The following SV2B variants were observed in gnomAD, a reference collection of about 807,000 sequenced individuals.
SV2B encodes the protein solute carrier family 22 member B2.
SV2B carries 41 observed loss-of-function variants against 73.9 expected under a neutral mutation model. The observed-to-expected ratio is 0.56, with a 90% CI of 0.43 to 0.72. SV2B has a LOEUF of 0.72. SV2B is among the 30% of genes least tolerant of loss of function. The pLI, the probability that SV2B is intolerant of heterozygous loss-of-function variation, is 0.00. For missense variants in SV2B, 764 were observed against 857.8 expected, an observed-to-expected ratio of 0.89 and a Z score of 1.37; for synonymous variants, 314 against 314.2, an observed-to-expected ratio of 1.00 and a Z score of 0.01.
Position 91,241,326 on chromosome 15 carries a change from C to T in SV2B, c.452-10493C>T, listed in dbSNP as rs757864704. On this transcript the variant is annotated intron_variant, in intron 2 of 12. Coordinates refer to ENST00000394232, the MANE Select transcript of SV2B (RefSeq NM_001323032.3). This position sits in a 1 kb window ranked among gnomAD's most constrained non-coding sequence, Gnocchi z 4.8. ...TGTGTTCCCCACCCCTGGTTGCATC[C>T]GACTTTTCCTCCATCTGTCCCTAAA... is the stretch of plus-strand genomic sequence containing the variant. Among the ~76,000 whole-genome samples, 2 of 152,118 alleles carry T rather than the reference C, an allele frequency of 1.3e-5. No homozygotes were observed. Among genetic ancestry groups the T allele is most frequent in the African/African-American group, 2.4e-5 (1 of 41,420 alleles).
chr15:91,131,540 C>T lies in SV2B; in HGVS notation c.-392+31177C>T, dbSNP rs561586660. Among the ~76,000 whole-genome samples, 29 of 151,962 alleles carry T rather than the reference C, an allele frequency of 1.9e-4. No homozygotes were observed. The South Asian group carries it at 6.0e-3, about 32-fold the overall frequency. On this transcript the variant is annotated intron_variant, in intron 1 of 12. Transcript: ENST00000394232. Reference sequence around the variant, plus strand: ...GGTTTGCACATTGGGTGCAGTGGCTCATGCCTGTAATCTCAGCACTTTGGG... The same window carrying T: ...GGTTTGCACATTGGGTGCAGTGGCTTATGCCTGTAATCTCAGCACTTTGGG...
Position 91,132,715 on chromosome 15 carries a change from C to T in SV2B, c.-392+32352C>T, listed in dbSNP as rs1054378564. On this transcript the variant is annotated intron_variant, in intron 1 of 12. Coordinates refer to ENST00000394232, the MANE Select transcript of SV2B (RefSeq NM_001323032.3). This position sits in a 1 kb window ranked among gnomAD's most constrained non-coding sequence, Gnocchi z 4.6. ...TTTCTCCTGCCTCAGTGGCACATGC[C>T]TGTAGTCCCAGCTACTGGAGAGGCT... 6.6e-6 allele frequency among the ~76,000 whole-genome samples: 1 copy of T among 152,134 alleles called. No individual in the cohort carries two copies. The highest frequency in any genetic ancestry group is 2.4e-5 in the African/African-American group (1 of 41,402).
rs559451683 is a variant in SV2B, at chr15:91,144,649, A to G, written c.-392+44286A>G. 2.6e-5 allele frequency among the ~76,000 whole-genome samples: 4 copies of G among 152,348 alleles called. No individual in the cohort carries two copies. The East Asian group carries it at 5.8e-4, about 22-fold the overall frequency. ...CTGAGTTTGTGGCCAGCTCAGAGGC[A>G]TTGACCACCAAACCATTTGCATTTC... On this transcript the variant is annotated intron_variant, in intron 1 of 12. Coordinates refer to ENST00000394232, the MANE Select transcript of SV2B (RefSeq NM_001323032.3).
rs781387088 is a variant in SV2B at position 91,137,812 on chromosome 15, T to C, written c.-392+37449T>C. Among the ~76,000 whole-genome samples the C allele has an allele frequency of 1.3e-5, 2 of 151,898 alleles. No homozygotes were observed. Among genetic ancestry groups the C allele is most frequent in the African/African-American group, 2.4e-5 (1 of 41,370 alleles). The stretch of plus-strand genomic sequence containing the variant: ...GAATAGAACACCTCACTGGTCACTT[T>C]TGGAAGATACTAGGAAACCAACTTA... On this transcript the variant is annotated intron_variant, in intron 1 of 12. Transcript: ENST00000394232. The surrounding 1 kb of genome is among the most constrained non-coding windows in gnomAD (Gnocchi z 4.9).
chr15:91,145,968 C>T (rs1362979891), intron 1 of SV2B, among the ~76,000 whole-genome samples: 1 of 152,184 alleles, frequency 6.6e-6, no homozygotes. Flanking sequence ...CTTTGCTGTG[C>T]AGAAGCTCTT....
intron 2 of SV2B, among the ~76,000 whole-genome samples, chr15:91,249,133 A>G (rs1000303607): frequency 6.6e-6 from 1 of 150,560 alleles, no homozygotes; most frequent in African/African-American, 2.5e-5. Context: ...CTTCTGTCCT[A>G]CCTTCTAGCC....
At chr15:91,279,124 C>G (rs568159441) in intron 9 of SV2B, among the ~76,000 whole-genome samples, 1 of 152,304 alleles carries the variant, frequency 6.6e-6, no homozygotes, top group East Asian at 1.9e-4. Context: ...GGGTGAGTCA[C>G]CTCATACTTT....
At chr15:91,179,104 G>A (rs1354940575) in intron 1 of SV2B, among the ~76,000 whole-genome samples, 5 of 151,724 alleles carry the variant, frequency 3.3e-5, no homozygotes, top group African/African-American at 4.8e-5. Context: ...CTTTGTTCTC[G>A]TTGGTTTCAA....
At chr15:91,274,993 T>C (rs1167745547) in intron 9 of SV2B, among the ~76,000 whole-genome samples, 7 of 152,138 alleles carry the variant, frequency 4.6e-5, no homozygotes, top group Admixed American at 1.3e-4. Context: ...TTTTCCATTT[T>C]TTTGCTTTCA....
intron 1 of SV2B, among the ~76,000 whole-genome samples, chr15:91,193,725 A>G (rs1447985860): frequency 6.6e-6 from 1 of 152,232 alleles, no homozygotes; most frequent in African/African-American, 2.4e-5. Flanking sequence ...TTATATTAAC[A>G]TGAGGACTAA....
At chr15:91,159,653 A>G (rs2043640130) in intron 1 of SV2B, among the ~76,000 whole-genome samples, 1 of 152,234 alleles carries the variant, frequency 6.6e-6, no homozygotes, top group Admixed American at 6.5e-5. Flanking sequence ...TAAGGTATGA[A>G]TACTTGTTAT....
intron 1 of SV2B, among the ~76,000 whole-genome samples, chr15:91,199,176 T>TA (rs149185854): frequency 1.3e-5 from 2 of 152,028 alleles, no homozygotes; most frequent in Non-Finnish European, 2.9e-5. Context: ...TATAAACACT[T>TA]AAAAAAATCA....
intron 1 of SV2B, among the ~76,000 whole-genome samples, chr15:91,148,467 C>G (rs911795750): frequency 1.3e-5 from 2 of 152,056 alleles, no homozygotes; most frequent in Admixed American, 6.5e-5. Context: ...TTGGGTTAGC[C>G]CATCTTAGTC....
chr15:91,296,385 GA>G lies in SV2B; in HGVS notation c.*3835del, dbSNP rs2049224511. The stretch of plus-strand genomic sequence containing the variant: ...TTAAAGGTTTGTTTTACTCTCATGT[GA>G]AGGGAATCTGGAGGAAGGAAAGCCA... On this transcript the variant is annotated 3_prime_UTR_variant, in exon 13 of 13. Transcript: ENST00000394232. The G allele has an allele frequency of 6.6e-6, 1 of 152,324 alleles. No homozygotes were observed. The highest frequency in any genetic ancestry group is 1.5e-5 in the Non-Finnish European group (1 of 68,096). 9.4% of individuals were successfully genotyped at this position (152,324 alleles called of 1,614,324 possible).
intron 2 of SV2B, among the ~76,000 whole-genome samples, chr15:91,251,574 A>G (rs1401455794): frequency 6.6e-6 from 1 of 152,222 alleles, no homozygotes; most frequent in Non-Finnish European, 1.5e-5. Context: ...TCTTACAGCC[A>G]TCTCAGTTTT....
At position 91,229,058 on chromosome 15, in the gene SV2B, C is replaced by T. The variant is rs894034468; in HGVS notation, c.451+2344C>T. Among the ~76,000 whole-genome samples, 1 of 152,206 alleles carries T rather than the reference C, an allele frequency of 6.6e-6. No individual in the cohort carries two copies. The highest frequency in any genetic ancestry group is 1.5e-5 in the Non-Finnish European group (1 of 68,034). ...ACTTCAAAGTCTATGCCCATTCTGCCACACCATACTGCCTTTCTCTCACGC... is the reference window on the plus strand; with the variant it reads ...ACTTCAAAGTCTATGCCCATTCTGCTACACCATACTGCCTTTCTCTCACGC... On this transcript the variant is annotated intron_variant, in intron 2 of 12. Coordinates refer to ENST00000394232, the MANE Select transcript of SV2B (RefSeq NM_001323032.3). The surrounding 1 kb of genome is among the most constrained non-coding windows in gnomAD (Gnocchi z 4.3).
At chr15:91,175,914 GT>G (rs2044288555) in intron 1 of SV2B, among the ~76,000 whole-genome samples, 3 of 151,362 alleles carry the variant, frequency 2.0e-5, no homozygotes, top group African/African-American at 7.3e-5. Context: ...TATACTTTAA[GT>G]TTTAGGGTAC....
intron 6 of SV2B, among the ~76,000 whole-genome samples, chr15:91,264,498 G>A (rs998974552): frequency 2.4e-4 from 36 of 152,308 alleles, no homozygotes; most frequent in African/African-American, 8.2e-4. Context: ...TTATTCCAGT[G>A]GGAAGTTCAA....
intron 1 of SV2B, among the ~76,000 whole-genome samples, chr15:91,219,918 G>A (rs7166153): frequency 0.31 from 46,508 of 152,082 alleles, 9,204 homozygotes; most frequent in African/African-American, 0.57. Flanking sequence ...TTCATTTGAC[G>A]TAATGTTCAC....
Sources: allele counts gnomAD v4.1 joint callset (sites outside exome capture counted in the v4.1 genomes callset), GRCh38; gene constraint gnomAD v4.1.1; non-coding constraint Gnocchi (gnomAD v3.1); transcripts MANE v1.5; gene names NCBI Gene and HGNC (gene_info 2026-07-23, HGNC 2026-07-21).